The following CDH13 variants were observed in gnomAD, a reference collection of about 807,000 sequenced individuals.
The protein encoded by CDH13 is cadherin 13.
In CDH13, 24 loss-of-function variants were observed where a neutral mutation model predicts 63.8. The ratio of observed to expected loss-of-function variants is 0.38; its 90% confidence interval spans 0.27 to 0.53. The LOEUF (loss-of-function observed/expected upper bound fraction) is 0.53. Among genes scored for constraint, CDH13 ranks in the 20% least tolerant of loss-of-function variants. CDH13 has a pLI of 0.85. For missense variants in CDH13, 1,049 were observed against 903.1 expected (o/e 1.16, Z -2.07); for synonymous variants, 503 against 355.3 (o/e 1.42, Z -4.67).
chr16:83,630,366 C>T (rs76264720), intron 8 of CDH13, among the ~76,000 whole-genome samples: 6,743 of 152,278 alleles, frequency 0.044, 219 homozygotes, highest in Middle Eastern at 0.075. Flanking sequence ...CTCAGGAGGT[C>T]CTGATGACAC....
chr16:82,662,611 TTCCTGAATG>T (rs1912088853), intron 1 of CDH13, among the ~76,000 whole-genome samples: 1 of 152,228 alleles, frequency 6.6e-6, no homozygotes, highest in Admixed American at 6.5e-5. Context: ...TACCCTGCTT[TTCCTGAATG>T]TCCTGAATGT....
chr16:82,929,651 CA>C (rs71146097), intron 2 of CDH13, among the ~76,000 whole-genome samples: 11 of 44,278 alleles, frequency 2.5e-4, no homozygotes, highest in South Asian at 1.3e-3. Context: ...GACTCCATCT[CA>C]AAAAAAAAAA....
At chr16:83,340,645 C>A (rs1367467470) in intron 5 of CDH13, among the ~76,000 whole-genome samples, 2 of 152,088 alleles carry the variant, frequency 1.3e-5, no homozygotes, top group African/African-American at 4.8e-5. Context: ...TAGACAGGAC[C>A]GAGGAGCCTG....
intron 5 of CDH13, among the ~76,000 whole-genome samples, chr16:83,310,048 A>G (rs751265964): frequency 8.5e-5 from 13 of 152,140 alleles, no homozygotes; most frequent in Non-Finnish European, 1.5e-4. Flanking sequence ...ATTAATTAAT[A>G]ATTCCGACAT....
intron 10 of CDH13, among the ~76,000 whole-genome samples, chr16:83,714,290 T>A (rs1382906306): frequency 6.6e-6 from 1 of 152,198 alleles, no homozygotes; most frequent in Non-Finnish European, 1.5e-5. Context: ...TCCCTGTCCC[T>A]AAAAGATTGA....
chr16:83,237,301 C>A (rs1298970493), intron 5 of CDH13, among the ~76,000 whole-genome samples: 1 of 152,198 alleles, frequency 6.6e-6, no homozygotes, highest in Non-Finnish European at 1.5e-5. Flanking sequence ...GTGACCCACA[C>A]TTGTGTCTTT....
At chr16:82,995,249 C>T (rs916903379) in intron 2 of CDH13, among the ~76,000 whole-genome samples, 2 of 152,150 alleles carry the variant, frequency 1.3e-5, no homozygotes, top group Non-Finnish European at 2.9e-5. Context: ...AGTCATCCTC[C>T]GTTTTGCAAC....
chr16:82,944,208 G>T (rs1904442224), intron 2 of CDH13, among the ~76,000 whole-genome samples: 1 of 152,186 alleles, frequency 6.6e-6, no homozygotes, highest in Non-Finnish European at 1.5e-5. Context: ...ACGGACTGTG[G>T]AAGGGCCCTA....
At chr16:83,655,131 T>C (rs1912752505) in intron 8 of CDH13, 1 of 152,218 alleles carries the variant, frequency 6.6e-6, no homozygotes, top group Non-Finnish European at 1.5e-5. Flanking sequence ...ACACACTGAG[T>C]GATGAGAAAC....
chr16:83,791,066 C>G (rs896926799), intron 13 of CDH13, among the ~76,000 whole-genome samples: 1 of 151,898 alleles, frequency 6.6e-6, no homozygotes, highest in Non-Finnish European at 1.5e-5. Flanking sequence ...GCCTGTAATC[C>G]CAGCACTTTG....
Position 83,263,460 on chromosome 16 carries a change from A to T in CDH13, c.636+45963A>T, listed in dbSNP as rs924352479. On this transcript the variant is annotated intron_variant, in intron 5 of 13. Coordinates refer to ENST00000567109, the MANE Select transcript of CDH13 (RefSeq NM_001257.5). ...TCTTGAGATATGCAGAGATCTACCAACCACATCACAGAATGGAACTCAGAT... is the reference window on the plus strand; with the variant it reads ...TCTTGAGATATGCAGAGATCTACCATCCACATCACAGAATGGAACTCAGAT... Among the ~76,000 whole-genome samples the T allele has an allele frequency of 2.0e-5, 3 of 152,250 alleles. No homozygotes were observed. The East Asian group carries it at 5.8e-4, about 29-fold the overall frequency.
At chr16:82,865,936 G>A (rs867010015) in intron 2 of CDH13, among the ~76,000 whole-genome samples, 1 of 152,080 alleles carries the variant, frequency 6.6e-6, no homozygotes, top group Non-Finnish European at 1.5e-5. Flanking sequence ...GCTTTTAAGA[G>A]CACCCATGTC....
chr16:82,936,983 G>A (rs994811702), intron 2 of CDH13, among the ~76,000 whole-genome samples: 1 of 152,130 alleles, frequency 6.6e-6, no homozygotes, highest in East Asian at 1.9e-4. Context: ...TGTGACCTCA[G>A]CACGACATCA....
intron 6 of CDH13, among the ~76,000 whole-genome samples, chr16:83,426,298 G>A (rs1202218115): frequency 6.6e-6 from 1 of 152,200 alleles, no homozygotes; most frequent in Non-Finnish European, 1.5e-5. Context: ...TTCTGCATCC[G>A]ATTTGAAGGG....
intron 6 of CDH13, among the ~76,000 whole-genome samples, chr16:83,411,008 G>A (rs1005087527): frequency 3.9e-5 from 6 of 152,112 alleles, no homozygotes; most frequent in South Asian, 2.1e-4. Context: ...ATGTCCGTGC[G>A]TGCTTTTTCT....
chr16:83,154,252 C>T (rs2037112714), intron 4 of CDH13, among the ~76,000 whole-genome samples: 1 of 152,082 alleles, frequency 6.6e-6, no homozygotes, highest in Non-Finnish European at 1.5e-5. Flanking sequence ...GAACCTGTCA[C>T]ATGAGATAAA....
At chr16:83,200,186 C>T (rs140519107) in intron 4 of CDH13, among the ~76,000 whole-genome samples, 2 of 152,264 alleles carry the variant, frequency 1.3e-5, no homozygotes, top group African/African-American at 4.8e-5. Flanking sequence ...AACGCCTTAA[C>T]AGGATGAGGG....
chr16:83,395,911 C>T (rs568922625), intron 6 of CDH13, among the ~76,000 whole-genome samples: 4 of 152,214 alleles, frequency 2.6e-5, no homozygotes, highest in Non-Finnish European at 5.9e-5. Context: ...ACACATTAAG[C>T]CTAATATTCA....
At chr16:83,760,384 A>G (rs1040231671) in intron 11 of CDH13, among the ~76,000 whole-genome samples, 1 of 152,264 alleles carries the variant, frequency 6.6e-6, no homozygotes, top group Non-Finnish European at 1.5e-5. Context: ...GTGTTCCCCA[A>G]AACACGAGTG....
Sources: gnomAD v4.1 joint callset for allele counts (sites outside exome capture counted in the v4.1 genomes callset) on GRCh38, gnomAD v4.1.1 for gene constraint, MANE v1.5 for transcripts, NCBI Gene and HGNC (gene_info 2026-07-23, HGNC 2026-07-21) for gene names.